Variants in MAP2K5 observed in about 807,000 individuals in gnomAD.
MAP2K5 encodes the protein mitogen-activated protein kinase kinase 5.
A neutral mutation model predicts 83.1 loss-of-function variants in MAP2K5; 49 were observed. The observed-to-expected ratio is 0.59, with a 90% CI of 0.47 to 0.75. The LOEUF is 0.75. Among genes scored for constraint, MAP2K5 ranks in the 30% least tolerant of loss-of-function variants. The pLI, the probability that MAP2K5 is intolerant of heterozygous loss-of-function variation, is 0.00. For synonymous variants in MAP2K5, 202 were observed against 191.8 expected, an observed-to-expected ratio of 1.05 and a Z score of -0.44; for missense variants, 457 against 557.5, an observed-to-expected ratio of 0.82 and a Z score of 1.82.
chr15:67,780,036 C>T lies in MAP2K5; in HGVS notation c.1242+7284C>T, dbSNP rs1388933753. On this transcript the variant is annotated intron_variant, in intron 21 of 21. Coordinates refer to ENST00000178640, the MANE Select transcript of MAP2K5 (RefSeq NM_145160.3). The surrounding 1 kb of genome is among the most constrained non-coding windows in gnomAD (Gnocchi z 5.0). ...TCCTCCTCCCTGCGGCTTTTCCCTA[C>T]TCTTCGACTTTACAGTTGCTTGCTT... is the stretch of plus-strand genomic sequence containing the variant. Among the ~76,000 whole-genome samples the T allele has an allele frequency of 2.0e-5, 3 of 152,212 alleles. No individual in the cohort carries two copies. The highest frequency in any genetic ancestry group is 4.4e-5 in the Non-Finnish European group (3 of 68,028).
At position 67,573,983 on chromosome 15, in the gene MAP2K5, G is replaced by T. The variant is rs2085000798; in HGVS notation, c.253-6771G>T. ...CTTGCTTTTGGGAACACCCAGCTCT[G>T]ACTGGGTTTATTGGTGGAGCCATTC... On this transcript the variant is annotated intron_variant, in intron 3 of 21. Transcript: ENST00000178640. The surrounding 1 kb of genome is among the most constrained non-coding windows in gnomAD (Gnocchi z 4.2). Among the ~76,000 whole-genome samples, 1 of 152,166 alleles carries T rather than the reference G, an allele frequency of 6.6e-6. No homozygotes were observed. Among genetic ancestry groups the T allele is most frequent in the Non-Finnish European group, 1.5e-5 (1 of 68,024 alleles).
intron 16 of MAP2K5, among the ~76,000 whole-genome samples, chr15:67,721,013 G>A (rs1240989629): frequency 1.3e-5 from 2 of 152,158 alleles, no homozygotes; most frequent in Non-Finnish European, 2.9e-5. Context: ...AGCAATTAAA[G>A]GAACAGCATT....
chr15:67,553,578 T>A (rs1567268414), intron 2 of MAP2K5, among the ~76,000 whole-genome samples: 1 of 152,234 alleles, frequency 6.6e-6, no homozygotes, highest in African/African-American at 2.4e-5. Flanking sequence ...GACTTTTTTT[T>A]CTGAACCAGA....
At chr15:67,584,125 C>G (rs2085241779) in intron 4 of MAP2K5, among the ~76,000 whole-genome samples, 1 of 152,152 alleles carries the variant, frequency 6.6e-6, no homozygotes, top group East Asian at 1.9e-4. Flanking sequence ...CAGGTCATGG[C>G]TAAGTCCTCT....
chr15:67,623,067 A>C (rs952176384), intron 8 of MAP2K5, among the ~76,000 whole-genome samples: 4 of 152,166 alleles, frequency 2.6e-5, no homozygotes, highest in African/African-American at 9.7e-5. Flanking sequence ...ATGCCACTGC[A>C]CTCCAGCCTG....
chr15:67,576,536 C>T (rs997498629), intron 3 of MAP2K5, among the ~76,000 whole-genome samples: 3 of 147,616 alleles, frequency 2.0e-5, no homozygotes, highest in African/African-American at 7.4e-5. Flanking sequence ...TGAAGAACAG[C>T]TCAGAGGGAC....
Position 67,638,250 on chromosome 15 carries a change from G to A in MAP2K5, c.585+7323G>A, listed in dbSNP as rs954962717. 2.0e-5 allele frequency among the ~76,000 whole-genome samples: 3 copies of A among 152,070 alleles called. No individual in the cohort carries two copies. The highest frequency in any genetic ancestry group is 7.2e-5 in the African/African-American group (3 of 41,386). ...CCTCCACCTTCTGATAGGCCACAGTGTGTGGTGTTTCCCTCTATGTGTCCA... is the reference window on the plus strand; with the variant it reads ...CCTCCACCTTCTGATAGGCCACAGTATGTGGTGTTTCCCTCTATGTGTCCA... On this transcript the variant is annotated intron_variant, in intron 9 of 21. Transcript: ENST00000178640. The surrounding 1 kb of genome is among the most constrained non-coding windows in gnomAD (Gnocchi z 4.5).
At chr15:67,579,709 C>A (rs182446083) in intron 3 of MAP2K5, among the ~76,000 whole-genome samples, 1 of 149,760 alleles carries the variant, frequency 6.7e-6, no homozygotes, top group South Asian at 2.1e-4. Context: ...AAAAAAAAAA[C>A]CCTTGCTCTT....
chr15:67,685,270 C>T (rs2087925363), intron 13 of MAP2K5, among the ~76,000 whole-genome samples: 1 of 152,156 alleles, frequency 6.6e-6, no homozygotes, highest in Admixed American at 6.5e-5. Flanking sequence ...ATGTCACAAG[C>T]TATGCAAGCC....
chr15:67,712,556 A>G (rs1311596852), intron 16 of MAP2K5, among the ~76,000 whole-genome samples: 1 of 152,228 alleles, frequency 6.6e-6, no homozygotes, highest in Non-Finnish European at 1.5e-5. Context: ...TGCACTCAGA[A>G]TATAAGAACA....
At chr15:67,599,229 T>C (rs1310784517) in intron 7 of MAP2K5, among the ~76,000 whole-genome samples, 5 of 152,228 alleles carry the variant, frequency 3.3e-5, no homozygotes, top group Admixed American at 6.5e-5. Context: ...TGAACAGAAT[T>C]CCCCTCAAAT....
rs1433940451 is a variant in MAP2K5, at chr15:67,778,429, C to G, written c.1242+5677C>G. The stretch of plus-strand genomic sequence containing the variant: ...AATGGCTTTGTTTCATTGTTAGACC[C>G]AAATCTTCTGATCACTGTGAAAGAC... On this transcript the variant is annotated intron_variant, in intron 21 of 21. Transcript: ENST00000178640. The surrounding 1 kb of genome is among the most constrained non-coding windows in gnomAD (Gnocchi z 5.0). 6.6e-6 allele frequency among the ~76,000 whole-genome samples: 1 copy of G among 152,094 alleles called. No individual in the cohort carries two copies. Among genetic ancestry groups the G allele is most frequent in the Non-Finnish European group, 1.5e-5 (1 of 68,022 alleles).
rs1026684917 is a variant in MAP2K5 at position 67,779,297 on chromosome 15, A to G, written c.1242+6545A>G. Among the ~76,000 whole-genome samples the G allele has an allele frequency of 1.3e-5, 2 of 152,362 alleles. No individual in the cohort carries two copies. The highest frequency in any genetic ancestry group is 6.5e-5 in the Admixed American group (1 of 15,314). On this transcript the variant is annotated intron_variant, in intron 21 of 21. Coordinates refer to ENST00000178640, the MANE Select transcript of MAP2K5 (RefSeq NM_145160.3). The surrounding 1 kb of genome is among the most constrained non-coding windows in gnomAD (Gnocchi z 4.6). ...ACCCACTAGTAAAGAAGTTGATTTT[A>G]GCTTTTTAATTGCATATAATTACAT...
rs113783624 is a variant in MAP2K5 at position 67,627,731 on chromosome 15, A to G, written c.546-3157A>G. 688 of 261,792 alleles carry G rather than the reference A, an allele frequency of 2.6e-3. 7 individuals carry two copies. Among genetic ancestry groups the G allele is most frequent in the African/African-American group, 0.014 (643 of 44,778 alleles). The allele number at this position is 261,792 out of a possible 1,614,324, so 16.2% of individuals were successfully genotyped here. A position where few individuals can be genotyped will look rare whatever the true frequency, so the allele number is the denominator to read the frequency against. Reference sequence around the variant, plus strand: ...AAAAGTAGAATGTACCCTTAAAACAAGTGAATGTTATCATATGTAAATTAT... The same window carrying G: ...AAAAGTAGAATGTACCCTTAAAACAGGTGAATGTTATCATATGTAAATTAT... On this transcript the variant is annotated intron_variant, in intron 8 of 21. Coordinates refer to ENST00000178640, the MANE Select transcript of MAP2K5 (RefSeq NM_145160.3).
At chr15:67,548,972 A>C (rs1895151107) in intron 1 of MAP2K5, 8 of 1,381,954 alleles carry the variant, frequency 5.8e-6, no homozygotes, top group Non-Finnish European at 7.5e-6. Flanking sequence ...CTGCAGCAAA[A>C]GCTTCTAAAG....
intron 17 of MAP2K5, among the ~76,000 whole-genome samples, chr15:67,740,610 T>G (rs985588155): frequency 2.6e-5 from 4 of 152,134 alleles, no homozygotes; most frequent in African/African-American, 4.8e-5. Flanking sequence ...AAAAAAGTGT[T>G]TCCTTTTCAG....
At chr15:67,776,355 A>C (rs1019265315) in intron 21 of MAP2K5, among the ~76,000 whole-genome samples, 1 of 152,140 alleles carries the variant, frequency 6.6e-6, no homozygotes, top group Admixed American at 6.5e-5. Flanking sequence ...CAACAAACTT[A>C]GGGACAAATT....
At chr15:67,586,031 A>T in intron 5 of MAP2K5, 101 bp downstream of exon 5, 2 of 1,057,022 alleles carry the variant, frequency 1.9e-6, no homozygotes, top group East Asian at 2.5e-5. Context: ...TCAAGCTCTG[A>T]CAAGCGATCC....
chr15:67,601,250 A>G (rs1251228412), intron 8 of MAP2K5, among the ~76,000 whole-genome samples: 1 of 152,176 alleles, frequency 6.6e-6, no homozygotes, highest in Non-Finnish European at 1.5e-5. Flanking sequence ...ACATTGATGA[A>G]TATGTTAAGT....
Sources: gnomAD v4.1 joint callset for allele counts (sites outside exome capture counted in the v4.1 genomes callset) on GRCh38, gnomAD v4.1.1 for gene constraint, Gnocchi (gnomAD v3.1) non-coding constraint, MANE v1.5 for transcripts, NCBI Gene and HGNC (gene_info 2026-07-23, HGNC 2026-07-21) for gene names.